CFAP299: variants seen among roughly 807,000 people sequenced by gnomAD.
CFAP299 encodes cilia and flagella associated protein 299.
CFAP299 carries 21 observed loss-of-function variants against 27.0 expected under a neutral mutation model. That is an observed-to-expected ratio of 0.78 (90% CI 0.55 to 1.12). The LOEUF (loss-of-function observed/expected upper bound fraction) is 1.12. Ranked by LOEUF, CFAP299 falls within the 50% of genes most tolerant of loss-of-function variation. The pLI is 0.00. For synonymous variants in CFAP299, 104 were observed against 98.1 expected (o/e 1.06, Z -0.36); for missense variants, 310 against 276.6 (o/e 1.12, Z -0.86).
intron 3 of CFAP299, among the ~76,000 whole-genome samples, chr4:80,854,135 A>G (rs1578184485): frequency 6.6e-6 from 1 of 152,182 alleles, no homozygotes; most frequent in East Asian, 1.9e-4. Flanking sequence ...TTGAGAATAC[A>G]CAGTGTCAGT....
intron 4 of CFAP299, among the ~76,000 whole-genome samples, chr4:80,889,282 A>G (rs903303975): frequency 6.6e-5 from 10 of 152,016 alleles, no homozygotes; most frequent in Non-Finnish European, 1.5e-4. Flanking sequence ...AAAATCATAG[A>G]TGAAAAAGAA....
chr4:80,532,138 C>A (rs1238813380), intron 2 of CFAP299, among the ~76,000 whole-genome samples: 1 of 152,082 alleles, frequency 6.6e-6, no homozygotes, highest in African/African-American at 2.4e-5. Flanking sequence ...ATTCCCTTTG[C>A]CTCTTCTTGC....
intron 3 of CFAP299, among the ~76,000 whole-genome samples, chr4:80,783,369 G>T (rs1052057661): frequency 6.6e-6 from 1 of 151,330 alleles, no homozygotes; most frequent in Non-Finnish European, 1.5e-5. Context: ...GGGCCATTTT[G>T]GGGGCTGGCT....
intron 3 of CFAP299, among the ~76,000 whole-genome samples, chr4:80,869,554 C>T (rs1436110425): frequency 6.6e-6 from 1 of 152,186 alleles, no homozygotes; most frequent in African/African-American, 2.4e-5. Flanking sequence ...TGGTCTGTCA[C>T]CCAGGCTGGA....
intron 3 of CFAP299, among the ~76,000 whole-genome samples, chr4:80,707,014 G>A (rs1415726860): frequency 2.0e-5 from 3 of 151,894 alleles, no homozygotes; most frequent in African/African-American, 4.8e-5. Context: ...AGGCTTTGTA[G>A]GACTGTTGGA....
chr4:80,678,260 T>G (rs1719601472), intron 3 of CFAP299, among the ~76,000 whole-genome samples: 1 of 152,080 alleles, frequency 6.6e-6, no homozygotes, highest in Non-Finnish European at 1.5e-5. Flanking sequence ...CTGTTCTTTT[T>G]CTTTTATGGC....
intron 3 of CFAP299, among the ~76,000 whole-genome samples, chr4:80,727,194 A>G (rs1723212948): frequency 6.6e-6 from 1 of 152,136 alleles, no homozygotes; most frequent in South Asian, 2.1e-4. Context: ...CTAGTAAAAT[A>G]TGACATAGCC....
At chr4:80,460,793 C>A (rs1729399300) in intron 2 of CFAP299, among the ~76,000 whole-genome samples, 1 of 152,120 alleles carries the variant, frequency 6.6e-6, no homozygotes, top group Non-Finnish European at 1.5e-5. Flanking sequence ...GTCCCAAAAT[C>A]TACCACCTTC....
intron 3 of CFAP299, among the ~76,000 whole-genome samples, chr4:80,858,991 T>C (rs1732125556): frequency 6.6e-6 from 1 of 152,220 alleles, no homozygotes; most frequent in Non-Finnish European, 1.5e-5. Context: ...TGTTGATCTG[T>C]CTAATGTTGA....
chr4:80,768,635 C>T (rs763299989), intron 3 of CFAP299, among the ~76,000 whole-genome samples: 1 of 152,108 alleles, frequency 6.6e-6, no homozygotes, highest in Non-Finnish European at 1.5e-5. Flanking sequence ...CTCAAAAATA[C>T]AGAAAATTAT....
intron 3 of CFAP299, among the ~76,000 whole-genome samples, chr4:80,666,517 A>G (rs1410350431): frequency 6.6e-6 from 1 of 152,192 alleles, no homozygotes; most frequent in South Asian, 2.1e-4. Context: ...AAAAGAGTCA[A>G]GGATATCATC....
At chr4:80,943,903 T>TA (rs1737332275) in intron 4 of CFAP299, among the ~76,000 whole-genome samples, 1 of 151,850 alleles carries the variant, frequency 6.6e-6, no homozygotes, top group African/African-American at 2.4e-5. Flanking sequence ...CCATCTCTGC[T>TA]AAAAATACAA....
chr4:80,735,153 A>G (rs1226878077), intron 3 of CFAP299, among the ~76,000 whole-genome samples: 1 of 152,226 alleles, frequency 6.6e-6, no homozygotes, highest in Middle Eastern at 3.4e-3. Flanking sequence ...TTTTCATTGT[A>G]TAGATGCTTC....
intron 3 of CFAP299, among the ~76,000 whole-genome samples, chr4:80,867,433 A>C (rs184635196): frequency 6.6e-6 from 1 of 152,312 alleles, no homozygotes; most frequent in East Asian, 1.9e-4. Flanking sequence ...TATACTTATT[A>C]CAAATACTTG....
chr4:80,576,150 A>G (rs918437549), intron 2 of CFAP299, among the ~76,000 whole-genome samples: 2 of 149,472 alleles, frequency 1.3e-5, no homozygotes, highest in Non-Finnish European at 1.5e-5. Context: ...AAACCTGCAC[A>G]TTGTGCACAT....
At chr4:80,761,523 T>C (rs1016208328) in intron 3 of CFAP299, among the ~76,000 whole-genome samples, 5 of 152,028 alleles carry the variant, frequency 3.3e-5, no homozygotes, top group Non-Finnish European at 7.4e-5. Flanking sequence ...AATATATTTA[T>C]ATGGAAGGAG....
At chr4:80,601,149 T>C (rs1311980310) in intron 3 of CFAP299, among the ~76,000 whole-genome samples, 2 of 152,300 alleles carry the variant, frequency 1.3e-5, no homozygotes, top group East Asian at 3.9e-4. Flanking sequence ...TAGCAGATAA[T>C]GAAATTGAGA....
chr4:80,530,931 A>G (rs191592664), intron 2 of CFAP299, among the ~76,000 whole-genome samples: 2 of 152,326 alleles, frequency 1.3e-5, no homozygotes, highest in Non-Finnish European at 2.9e-5. Context: ...GAAGTCAATG[A>G]TAGTACAGAC....
At chr4:80,788,028 C>T (rs1727345130) in intron 3 of CFAP299, among the ~76,000 whole-genome samples, 1 of 152,000 alleles carries the variant, frequency 6.6e-6, no homozygotes, top group Admixed American at 6.6e-5. Context: ...GCGACTCACT[C>T]TCTGAGTTTC....
Sources: gnomAD v4.1 joint callset for allele counts (sites outside exome capture counted in the v4.1 genomes callset) on GRCh38, gnomAD v4.1.1 for gene constraint, MANE v1.5 for transcripts, NCBI Gene and HGNC (gene_info 2026-07-23, HGNC 2026-07-21) for gene names.